Variants in LRSAM1 observed in about 807,000 individuals in gnomAD.
LRSAM1 encodes the protein leucine rich repeat and sterile alpha motif containing 1.
In LRSAM1, 96 loss-of-function variants were observed where a neutral mutation model predicts 118.1. The ratio of observed to expected loss-of-function variants is 0.81; its 90% CI spans 0.69 to 0.96. LRSAM1 has a LOEUF of 0.96. LRSAM1 is among the 40% of genes least tolerant of loss of function. The pLI, the probability that LRSAM1 is intolerant of heterozygous loss-of-function variation, is 0.00. For synonymous variants in LRSAM1, 322 were observed against 364.2 expected (o/e 0.88, Z 1.32); for missense variants, 804 against 915.5 (o/e 0.88, Z 1.57).
At chr9:127,501,231 T>A in intron 25 of LRSAM1, 88 bp downstream of exon 25, 11 of 1,508,106 alleles carry the variant, frequency 7.3e-6, no homozygotes, top group Non-Finnish European at 9.8e-6. Flanking sequence ...CTGAACGTGT[T>A]TTCTCCAGTT....
chr9:127,492,308 C>T (rs1445031844), intron 20 of LRSAM1, among the ~76,000 whole-genome samples: 2 of 152,344 alleles, frequency 1.3e-5, no homozygotes, highest in East Asian at 1.9e-4. Flanking sequence ...AGAGAAGCTG[C>T]GGTCATCATG....
chr9:127,467,769 C>G lies in LRSAM1; in HGVS notation c.558C>G (p.Val186=), dbSNP rs1835013618. The G allele has an allele frequency of 1.2e-6, 2 of 1,610,548 alleles. No individual in the cohort carries two copies. Among genetic ancestry groups the G allele is most frequent in the Non-Finnish European group, 1.7e-6 (2 of 1,179,076 alleles). ...TGAGCCTTGACGCCTCGGCCATGGT[C>G]TACCCGCCGCGGGAGGTGTGTGGTG... ...EMLSLDASAM[V]YPPREVCGAG... is the part of the protein sequence containing the mutation. The change falls in exon 10 of 26, where the codon GTC becomes GTG. Residue 186 remains valine (V), a synonymous_variant. Coordinates refer to ENST00000300417, the MANE Select transcript of LRSAM1 (RefSeq NM_001005373.4).
chr9:127,495,309 A>C lies in LRSAM1; in HGVS notation c.1600-11A>C. 6.2e-7 allele frequency: 1 copy of C among 1,612,962 alleles called. No homozygotes were observed. The highest frequency in any genetic ancestry group is 1.1e-5 in the South Asian group (1 of 91,072). On this transcript the variant is annotated splice_polypyrimidine_tract_variant and intron_variant, in intron 21 of 25. Coordinates refer to ENST00000300417, the MANE Select transcript of LRSAM1 (RefSeq NM_001005373.4). ...TTTTGTGACTAACATTGCCTGCTTC[A>C]TTCCTGGCAGACGGAGTTAGAAGCC...
chr9:127,454,427 C>A, intron 2 of LRSAM1, 69 bp from the exon 3 acceptor site: 1 of 1,163,612 alleles, frequency 8.6e-7, no homozygotes, highest in Non-Finnish European at 1.3e-6. Flanking sequence ...TGTGTTACTG[C>A]ACTACCTGTC....
intron 9 of LRSAM1, among the ~76,000 whole-genome samples, chr9:127,464,537 T>C (rs1468635823): frequency 6.6e-6 from 1 of 152,110 alleles, no homozygotes; most frequent in Non-Finnish European, 1.5e-5. Flanking sequence ...AATTAATTTA[T>C]ATTTAAATAG....
At chr9:127,473,955 C>T (rs757135623) in intron 11 of LRSAM1, 24 bp downstream of exon 11, 51 of 1,613,898 alleles carry the variant, frequency 3.2e-5, no homozygotes, top group East Asian at 1.6e-4. Flanking sequence ...GCCTGCTGCA[C>T]GCATACATGT....
rs1437816655 is a variant in LRSAM1, at chr9:127,482,949, G to C, written c.1089-1G>C. On this transcript the variant is annotated splice_acceptor_variant, in intron 15 of 25. Coordinates refer to ENST00000300417, the MANE Select transcript of LRSAM1 (RefSeq NM_001005373.4). LOFTEE classifies it high-confidence loss of function. ...GAATGAATGGATGGATTTTTTTCTA[G>C]AATAAGAATGGAACAGTTGATGTCC... The C allele has an allele frequency of 2.6e-6, 4 of 1,554,490 alleles. No homozygotes were observed. The highest frequency in any genetic ancestry group is 3.5e-6 in the Non-Finnish European group (4 of 1,148,542).
chr9:127,481,997 T>G (rs1456611343), intron 15 of LRSAM1, among the ~76,000 whole-genome samples: 2 of 152,122 alleles, frequency 1.3e-5, no homozygotes, highest in East Asian at 3.8e-4. Flanking sequence ...AGAAAAATTA[T>G]TTAGTTACAT....
chr9:127,497,552 C>T (rs1429719323), intron 24 of LRSAM1, among the ~76,000 whole-genome samples: 1 of 152,238 alleles, frequency 6.6e-6, no homozygotes, highest in Non-Finnish European at 1.5e-5. Flanking sequence ...AACAGGAGAC[C>T]TCCACGTAGC....
intron 15 of LRSAM1, among the ~76,000 whole-genome samples, chr9:127,481,500 G>A (rs536830480): frequency 1.3e-5 from 2 of 151,748 alleles, no homozygotes; most frequent in African/African-American, 2.4e-5. Context: ...TGCCCGCCTC[G>A]GCCTCACAAA....
intron 6 of LRSAM1, among the ~76,000 whole-genome samples, chr9:127,458,400 A>AG (rs1834606795): frequency 6.7e-6 from 1 of 150,196 alleles, no homozygotes. Context: ...AAAACAAAAC[A>AG]AAACAAAACA....
chr9:127,458,394 C>A (rs7874732), intron 6 of LRSAM1, among the ~76,000 whole-genome samples: 83,064 of 139,454 alleles, frequency 0.6, 25,474 homozygotes, highest in Admixed American at 0.62. Context: ...GTCTCAAAAA[C>A]AAAACAAAAC....
intron 24 of LRSAM1, among the ~76,000 whole-genome samples, chr9:127,500,793 G>A (rs1243431875): frequency 2.6e-5 from 4 of 152,248 alleles, no homozygotes; most frequent in Non-Finnish European, 5.9e-5. Context: ...TCCCTGCAGA[G>A]AGAGACTTCA....
intron 15 of LRSAM1, among the ~76,000 whole-genome samples, chr9:127,482,004 A>G (rs1835557160): frequency 6.6e-6 from 1 of 152,210 alleles, no homozygotes; most frequent in Non-Finnish European, 1.5e-5. Context: ...TTATTTAGTT[A>G]CATAAATTAT....
chr9:127,495,279 T>C lies in LRSAM1; in HGVS notation c.1600-41T>C, dbSNP rs374296150. On this transcript the variant is annotated intron_variant, in intron 21 of 25. Transcript: ENST00000300417. ...CCATCATTGTTATTACAGGTTTTAT[T>C]ACCATTTTGTGACTAACATTGCCTG... is the stretch of plus-strand genomic sequence containing the variant. 294 of 1,583,776 alleles carry C rather than the reference T, an allele frequency of 1.9e-4. No individual in the cohort carries two copies. The African/African-American group carries it at 3.6e-3, about 19-fold the overall frequency.
intron 4 of LRSAM1, 89 bp from the exon 5 acceptor site, chr9:127,455,487 C>T (rs551222373): frequency 2.4e-5 from 33 of 1,349,116 alleles, no homozygotes; most frequent in Non-Finnish European, 3.3e-5. Flanking sequence ...TCACCTCCTG[C>T]CTGTCTCTTC....
At chr9:127,462,156 G>A in intron 8 of LRSAM1, 96 bp from the exon 9 acceptor site, 1 of 1,557,306 alleles carries the variant, frequency 6.4e-7, no homozygotes, top group African/African-American at 1.4e-5. Context: ...GATCTGTTGT[G>A]TGCCCTAGAG....
At chr9:127,471,950 AC>A (rs1282661596) in intron 10 of LRSAM1, among the ~76,000 whole-genome samples, 5 of 151,512 alleles carry the variant, frequency 3.3e-5, no homozygotes, top group African/African-American at 1.2e-4. Flanking sequence ...AGTGTGAGCC[AC>A]CACGCCCTGC....
At chr9:127,480,156 T>C (rs1340359902) in intron 14 of LRSAM1, among the ~76,000 whole-genome samples, 178 bp downstream of exon 14, 1 of 152,166 alleles carries the variant, frequency 6.6e-6, no homozygotes, top group Non-Finnish European at 1.5e-5. Context: ...TCTGACCCAG[T>C]CATTACAAAG....
Sources: gnomAD v4.1 joint callset for allele counts (sites outside exome capture counted in the v4.1 genomes callset) on GRCh38, gnomAD v4.1.1 for gene constraint, MANE v1.5 for transcripts, NCBI Gene and HGNC (gene_info 2026-07-23, HGNC 2026-07-21) for gene names.